Variants in QTMAN observed in about 807,000 individuals in gnomAD.
QTMAN encodes the protein tRNA-queuosine alpha-mannosyltransferase.
chr2:144,173,793 T>C, the QTMAN span, among the ~76,000 whole-genome samples: 1 of 152,186 alleles, frequency 6.6e-6, no homozygotes, highest in Non-Finnish European at 1.5e-5. Context: ...GGCAAATCCT[T>C]CATGAATGGC....
chr2:144,166,613 C>T, the QTMAN span, among the ~76,000 whole-genome samples: 1 of 151,972 alleles, frequency 6.6e-6, no homozygotes, highest in Admixed American at 6.6e-5. Context: ...TTATCAAATC[C>T]CAAAATAAAA....
At chr2:144,300,371 G>GA in the QTMAN span, among the ~76,000 whole-genome samples, 1 of 151,982 alleles carries the variant, frequency 6.6e-6, no homozygotes, top group Non-Finnish European at 1.5e-5. Context: ...AACAAGCGGG[G>GA]AAAAATGCTA....
At chr2:144,034,167 A>T in the QTMAN span, among the ~76,000 whole-genome samples, 1 of 152,208 alleles carries the variant, frequency 6.6e-6, no homozygotes, top group Non-Finnish European at 1.5e-5. Context: ...CATTCCCCTG[A>T]ATGACCAGTA....
the QTMAN span, among the ~76,000 whole-genome samples, chr2:144,137,717 G>C: frequency 6.6e-6 from 1 of 152,036 alleles, no homozygotes; most frequent in African/African-American, 2.4e-5. Context: ...GAAGAGGAGA[G>C]AGAGAAAGAG....
the QTMAN span, among the ~76,000 whole-genome samples, chr2:144,147,244 T>C: frequency 6.6e-6 from 1 of 151,218 alleles, no homozygotes; most frequent in Non-Finnish European, 1.5e-5. Context: ...ATTAATGTTA[T>C]AATTTATCTC....
the QTMAN span, among the ~76,000 whole-genome samples, chr2:144,322,162 A>G: frequency 6.6e-6 from 1 of 152,226 alleles, no homozygotes; most frequent in Non-Finnish European, 1.5e-5. Context: ...TACCCAAATG[A>G]TTAAAACTTC....
the QTMAN span, among the ~76,000 whole-genome samples, chr2:144,273,514 A>G: frequency 6.6e-6 from 1 of 152,170 alleles, no homozygotes; most frequent in Non-Finnish European, 1.5e-5. Context: ...CCCAGGACTC[A>G]AAAAGCCCAA....
the QTMAN span, among the ~76,000 whole-genome samples, chr2:144,106,599 C>T: frequency 6.0e-4 from 92 of 152,318 alleles, no homozygotes; most frequent in African/African-American, 2.1e-3. Context: ...CACCCAGATT[C>T]ATAAAGCAAA....
chr2:144,212,844 C>T, the QTMAN span, among the ~76,000 whole-genome samples: 2 of 152,082 alleles, frequency 1.3e-5, no homozygotes, highest in Non-Finnish European at 2.9e-5. Context: ...ATTATCAATA[C>T]TATGATTTAA....
At chr2:143,987,233 T>C in the QTMAN span, among the ~76,000 whole-genome samples, 1 of 152,192 alleles carries the variant, frequency 6.6e-6, no homozygotes, top group South Asian at 2.1e-4. Flanking sequence ...GCAGCCCAAG[T>C]GTAGCCCCAA....
the QTMAN span, among the ~76,000 whole-genome samples, chr2:144,243,481 T>C: frequency 6.6e-6 from 1 of 152,216 alleles, no homozygotes; most frequent in East Asian, 1.9e-4. Context: ...AATGATAGCA[T>C]TTTGCAAACA....
the QTMAN span, among the ~76,000 whole-genome samples, chr2:143,951,396 G>C: frequency 6.6e-6 from 1 of 151,554 alleles, no homozygotes; most frequent in South Asian, 2.1e-4. Context: ...GGTAGTGAAT[G>C]ATGATGCTGT....
At chr2:144,235,732 A>G in the QTMAN span, 1 of 152,572 alleles carries the variant, frequency 6.6e-6, no homozygotes, top group Non-Finnish European at 1.5e-5. Flanking sequence ...GCTAATGCAG[A>G]GATACCTGTA....
the QTMAN span, among the ~76,000 whole-genome samples, chr2:144,280,839 T>C: frequency 6.6e-6 from 1 of 151,786 alleles, no homozygotes; most frequent in African/African-American, 2.4e-5. Flanking sequence ...TGCTCAATGT[T>C]AACAATGAGC....
the QTMAN span, among the ~76,000 whole-genome samples, chr2:144,064,169 C>T: frequency 6.6e-6 from 1 of 151,846 alleles, no homozygotes; most frequent in Non-Finnish European, 1.5e-5. Context: ...CCACAGTGAA[C>T]AGGAAGGCAA....
chr2:144,279,544 TA>T, the QTMAN span, among the ~76,000 whole-genome samples: 4 of 152,134 alleles, frequency 2.6e-5, no homozygotes, highest in African/African-American at 9.7e-5. Flanking sequence ...GAGAGCTTGT[TA>T]AAACATTCCC....
chr2:144,119,371 A>AAAC, the QTMAN span, among the ~76,000 whole-genome samples: 1 of 152,218 alleles, frequency 6.6e-6, no homozygotes, highest in East Asian at 1.9e-4. Flanking sequence ...GCCATGTCTT[A>AAAC]GAGTATTCCC....
the QTMAN span, among the ~76,000 whole-genome samples, chr2:143,951,825 A>G: frequency 6.6e-5 from 10 of 151,598 alleles, no homozygotes; most frequent in African/African-American, 2.4e-4. Context: ...TACAACTGGC[A>G]TCCAGTTTAA....
chr2:144,083,813 A>G, the QTMAN span, among the ~76,000 whole-genome samples: 4 of 152,164 alleles, frequency 2.6e-5, no homozygotes. Flanking sequence ...AAGTTTCTAT[A>G]CAGGCACAAA....
Sources: allele counts gnomAD v4.1 joint callset (sites outside exome capture counted in the v4.1 genomes callset), GRCh38; gene constraint gnomAD v4.1.1; transcripts MANE v1.5; gene names NCBI Gene and HGNC (gene_info 2026-07-23, HGNC 2026-07-21).